ERI1: variants seen among roughly 807,000 people sequenced by gnomAD.
ERI1 encodes 3'-5' exoribonuclease 1.
ERI1 carries 39 observed loss-of-function variants against 39.7 expected under a neutral mutation model. The ratio of observed to expected loss-of-function variants is 0.98; its 90% CI spans 0.76 to 1.28. The LOEUF (loss-of-function observed/expected upper bound fraction) is 1.28, where lower values mean the gene tolerates loss of function less well. Ranked by LOEUF, ERI1 falls within the 50% of genes most tolerant of loss-of-function variation. The probability of loss-of-function intolerance (pLI) is 0.00; values close to 1 mark genes in which losing one functional copy is unlikely to be tolerated. For missense variants in ERI1, 581 were observed against 416.9 expected (o/e 1.39, Z -3.43); for synonymous variants, 204 against 149.6 (o/e 1.36, Z -2.65).
chr8:9,018,628 G>A (rs1003905496), intron 5 of ERI1, among the ~76,000 whole-genome samples: 10 of 152,118 alleles, frequency 6.6e-5, no homozygotes, highest in African/African-American at 2.2e-4. Flanking sequence ...TTAAAAATAT[G>A]TAAAGCTAAA....
In ERI1 at chr8:9,011,632, T is replaced by C. The variant is rs1585193185; in HGVS notation, c.378T>C (p.Tyr126=). 5 of 1,613,664 alleles carry C rather than the reference T, an allele frequency of 3.1e-6. No individual in the cohort carries two copies. The highest frequency in any genetic ancestry group is 4.2e-6 in the Non-Finnish European group (5 of 1,179,666). The change falls in exon 3 of 7, where the codon TAT becomes TAC. Residue 126 remains tyrosine (Y), a synonymous_variant. Coordinates refer to ENST00000250263, the MANE Select transcript of ERI1 (RefSeq NM_153332.4). ...MLKESNFADS[Y]YDYICIIDFE... is the part of the protein sequence containing the mutation. ...AAGAGAGCAATTTTGCTGACAGTTA[T>C]TATGACTACATTTGTATTATTGACT...
At chr8:9,066,644 C>T (rs763653731) in intron 3 of ERI1, among the ~76,000 whole-genome samples, 1 of 152,064 alleles carries the variant, frequency 6.6e-6, no homozygotes, top group Admixed American at 6.6e-5. Flanking sequence ...TTATGAGTGC[C>T]GGTCATTGTT....
intron 1 of ERI1, among the ~76,000 whole-genome samples, chr8:9,004,781 G>A (rs975535831): frequency 1.1e-4 from 16 of 151,298 alleles, no homozygotes; most frequent in African/African-American, 3.2e-4. Context: ...CCCGCCTCCC[G>A]GATTCAAGTG....
intron 3 of ERI1, chr8:9,048,537 A>G (rs181698532): frequency 6.5e-6 from 1 of 154,312 alleles, no homozygotes; most frequent in East Asian, 1.9e-4. Context: ...GCCCAGCTAT[A>G]AACTGTGGTC....
Position 9,006,416 on chromosome 8 carries a change from G to C in ERI1, c.109-1554G>C, listed in dbSNP as rs59472758. On this transcript the variant is annotated intron_variant, in intron 1 of 6. Coordinates refer to ENST00000250263, the MANE Select transcript of ERI1 (RefSeq NM_153332.4). The stretch of plus-strand genomic sequence containing the variant: ...TACAGTTTAGGATGAGAATTAACCA[G>C]TGAATCAGAAAGAGGATTTATCCAA... Among the ~76,000 whole-genome samples the C allele has an allele frequency of 5.3e-3, 805 of 152,326 alleles. 4 individuals carry two copies. Among genetic ancestry groups the C allele is most frequent in the African/African-American group, 0.018 (738 of 41,570 alleles).
At chr8:9,024,400 CTTTTTTCTCTTT>C (rs1818249966) in intron 6 of ERI1, among the ~76,000 whole-genome samples, 1 of 151,222 alleles carries the variant, frequency 6.6e-6, no homozygotes, top group African/African-American at 2.4e-5. Context: ...CTTTTCTCTT[CTTTTTTCTCTTT>C]TCTTTTCTTT....
At chr8:9,025,581 T>G (rs1242566531) in intron 6 of ERI1, among the ~76,000 whole-genome samples, 1 of 152,252 alleles carries the variant, frequency 6.6e-6, no homozygotes, top group Non-Finnish European at 1.5e-5. Flanking sequence ...GGTTGGTTTG[T>G]TCTTTGTCTA....
chr8:9,059,324 C>A (rs899406381), intron 3 of ERI1, among the ~76,000 whole-genome samples: 2 of 151,998 alleles, frequency 1.3e-5, no homozygotes, highest in African/African-American at 4.8e-5. Flanking sequence ...TTCCTGTCTT[C>A]TTATATTAAT....
chr8:9,037,555 T>C (rs1165353140), downstream of ERI1, among the ~76,000 whole-genome samples: 1 of 152,038 alleles, frequency 6.6e-6, no homozygotes, highest in Non-Finnish European at 1.5e-5. Context: ...CACAGGTTCT[T>C]ACTTGTATCT....
chr8:9,010,036 G>T (rs1054450235), intron 2 of ERI1, among the ~76,000 whole-genome samples: 1 of 152,200 alleles, frequency 6.6e-6, no homozygotes, highest in Non-Finnish European at 1.5e-5. Context: ...GTAAAGTAAA[G>T]AATGAATCGA....
intron 3 of ERI1, among the ~76,000 whole-genome samples, chr8:9,098,069 A>G (rs1180644612): frequency 5.3e-5 from 8 of 152,190 alleles, no homozygotes; most frequent in Non-Finnish European, 1.0e-4. Flanking sequence ...GAGCTAAGCT[A>G]TGAGGATGCA....
intron 3 of ERI1, among the ~76,000 whole-genome samples, chr8:9,047,765 G>A (rs1798221138): frequency 6.6e-6 from 1 of 152,114 alleles, no homozygotes; most frequent in African/African-American, 2.4e-5. Context: ...CAACAGAGCA[G>A]TTCCACCTAT....
intron 3 of ERI1, among the ~76,000 whole-genome samples, chr8:9,053,788 T>A (rs1798428647): frequency 6.6e-6 from 1 of 152,204 alleles, no homozygotes; most frequent in Admixed American, 6.5e-5. Context: ...AGAGAATTGA[T>A]GTTGAAACCC....
intron 3 of ERI1, among the ~76,000 whole-genome samples, chr8:9,095,816 G>A (rs1205777942): frequency 1.3e-5 from 2 of 152,130 alleles, no homozygotes; most frequent in Admixed American, 1.3e-4. Flanking sequence ...GGCCAGGACA[G>A]ATGTTTATAT....
At chr8:9,064,796 A>G (rs956678626) in intron 3 of ERI1, among the ~76,000 whole-genome samples, 1 of 152,148 alleles carries the variant, frequency 6.6e-6, no homozygotes, top group Non-Finnish European at 1.5e-5. Flanking sequence ...ACCAAATTTC[A>G]TGCGCATCCA....
chr8:9,011,855 T>A, intron 3 of ERI1, 103 bp downstream of exon 3: 3 of 813,328 alleles, frequency 3.7e-6, no homozygotes, highest in Non-Finnish European at 5.5e-6. Context: ...GAATTAGACT[T>A]CTAAAGTAAG....
At chr8:9,014,141 C>G (rs1313196543) in intron 3 of ERI1, among the ~76,000 whole-genome samples, 1 of 152,180 alleles carries the variant, frequency 6.6e-6, no homozygotes, top group Non-Finnish European at 1.5e-5. Flanking sequence ...CTGATTGTTT[C>G]CTGTCTTACT....
intron 3 of ERI1, among the ~76,000 whole-genome samples, chr8:9,070,239 A>C (rs1799005967): frequency 6.6e-6 from 1 of 151,934 alleles, no homozygotes; most frequent in Non-Finnish European, 1.5e-5. Flanking sequence ...GCTGTCTCAA[A>C]AAAAAAAACA....
rs1040785856 is a variant in ERI1 at position 9,093,504 on chromosome 8, TA to T, written n.300-22826del. On this transcript the variant is annotated intron_variant and non_coding_transcript_variant, in intron 3 of 3. Coordinates refer to the ERI1 transcript ENST00000518663. ...TTTTTGGAAGGGAAGACCTTGTCTC[TA>T]AAAAAAAAAAAAAAAAAGAAGAAGA... Among the ~76,000 whole-genome samples, 962 of 124,822 alleles carry T rather than the reference TA, an allele frequency of 7.7e-3. 6 individuals carry two copies. Among genetic ancestry groups the T allele is most frequent in the African/African-American group, 0.018 (618 of 34,978 alleles). The allele number at this position is 124,822 out of a possible 152,430, so 81.9% of individuals were successfully genotyped here. A position where few individuals can be genotyped will look rare whatever the true frequency, so the allele number is the denominator to read the frequency against.
Sources: allele counts gnomAD v4.1 joint callset (sites outside exome capture counted in the v4.1 genomes callset), GRCh38; gene constraint gnomAD v4.1.1; transcripts MANE v1.5; gene names NCBI Gene and HGNC (gene_info 2026-07-23, HGNC 2026-07-21).